The following SBF2 variants were observed in gnomAD, a reference collection of about 807,000 sequenced individuals.
SBF2 encodes the protein SET binding factor 2.
In SBF2, 112 loss-of-function variants were observed where a neutral mutation model predicts 225.2. The observed-to-expected ratio is 0.50, with a 90% CI of 0.43 to 0.58. SBF2 has a LOEUF of 0.58. SBF2 is among the 20% of genes least tolerant of loss of function. The pLI, the probability that SBF2 is intolerant of heterozygous loss-of-function variation, is 0.00. For synonymous variants in SBF2, 763 were observed against 773.3 expected, an observed-to-expected ratio of 0.99 and a Z score of 0.22; for missense variants, 1,996 against 2,206.2, an observed-to-expected ratio of 0.90 and a Z score of 1.91.
At chr11:9,804,548 C>T (rs1024110328) in intron 32 of SBF2, among the ~76,000 whole-genome samples, 3 of 152,202 alleles carry the variant, frequency 2.0e-5, no homozygotes, top group Non-Finnish European at 4.4e-5. Context: ...AATCATGATA[C>T]AGAACAGTTT....
intron 2 of SBF2, among the ~76,000 whole-genome samples, chr11:10,052,489 T>C (rs1950098256): frequency 6.6e-6 from 1 of 152,182 alleles, no homozygotes; most frequent in African/African-American, 2.4e-5. Flanking sequence ...TCTAGTTTTC[T>C]TTAAGAACTT....
intron 16 of SBF2, among the ~76,000 whole-genome samples, chr11:9,921,962 C>T (rs1177010569): frequency 2.0e-5 from 3 of 152,154 alleles, no homozygotes; most frequent in Admixed American, 6.5e-5. Context: ...AAAGCCTTCA[C>T]GGGCTGGGCA....
intron 2 of SBF2, among the ~76,000 whole-genome samples, chr11:10,191,508 A>C (rs992890187): frequency 6.6e-6 from 1 of 152,226 alleles, no homozygotes; most frequent in African/African-American, 2.4e-5. Flanking sequence ...TGAAATTGCG[A>C]TCCATTATGG....
At chr11:10,040,508 A>G (rs952097774) in intron 3 of SBF2, among the ~76,000 whole-genome samples, 3 of 151,976 alleles carry the variant, frequency 2.0e-5, no homozygotes, top group African/African-American at 7.2e-5. Flanking sequence ...GAGACGAAAG[A>G]GAAATAAAAA....
chr11:9,808,621 G>A (rs1432420837), intron 31 of SBF2: 2 of 422,742 alleles, frequency 4.7e-6, no homozygotes, highest in South Asian at 2.2e-5. Flanking sequence ...AGGAAGGATG[G>A]TCCACGCCTC....
intron 2 of SBF2, among the ~76,000 whole-genome samples, chr11:10,158,559 TG>T (rs1955580199): frequency 6.6e-6 from 1 of 152,020 alleles, no homozygotes; most frequent in Admixed American, 6.6e-5. Flanking sequence ...GCAAACAAAT[TG>T]AATAACCTAG....
chr11:10,032,676 A>G (rs1351064733), intron 3 of SBF2, among the ~76,000 whole-genome samples: 1 of 152,108 alleles, frequency 6.6e-6, no homozygotes, highest in Non-Finnish European at 1.5e-5. Flanking sequence ...ATATTTATCT[A>G]TTTCACTTAT....
intron 28 of SBF2, among the ~76,000 whole-genome samples, chr11:9,822,867 C>T (rs147985388): frequency 8.5e-5 from 13 of 152,218 alleles, no homozygotes; most frequent in African/African-American, 2.6e-4. Flanking sequence ...TGCACTGATA[C>T]GATGCAACAC....
intron 2 of SBF2, among the ~76,000 whole-genome samples, chr11:10,047,555 G>A (rs1219080263): frequency 6.6e-6 from 1 of 152,124 alleles, no homozygotes; most frequent in African/African-American, 2.4e-5. Flanking sequence ...TAGGTATTAT[G>A]ACCATTACCC....
chr11:9,951,629 AT>A (rs1865866912), intron 16 of SBF2, among the ~76,000 whole-genome samples: 1 of 152,200 alleles, frequency 6.6e-6, no homozygotes, highest in South Asian at 2.1e-4. Context: ...AATGTACTTA[AT>A]TTCTTTAAGT....
At chr11:10,252,181 T>C (rs903932536) in intron 1 of SBF2, among the ~76,000 whole-genome samples, 9 of 152,266 alleles carry the variant, frequency 5.9e-5, no homozygotes, top group Non-Finnish European at 8.8e-5. Context: ...CTCACTGTTC[T>C]ACTATTTCCC....
intron 27 of SBF2, among the ~76,000 whole-genome samples, chr11:9,830,240 T>C (rs1855306999): frequency 6.6e-6 from 1 of 152,190 alleles, no homozygotes; most frequent in Non-Finnish European, 1.5e-5. Context: ...ACAACAGATA[T>C]TCATAAATTT....
intron 16 of SBF2, among the ~76,000 whole-genome samples, chr11:9,932,048 T>C (rs1411404575): frequency 6.6e-6 from 1 of 152,100 alleles, no homozygotes; most frequent in East Asian, 1.9e-4. Flanking sequence ...AAGATCACAT[T>C]AATGAAATAA....
At chr11:10,196,837 A>AATATATATATATATAT (rs71313475) in intron 1 of SBF2, among the ~76,000 whole-genome samples, 14 of 83,468 alleles carry the variant, frequency 1.7e-4, no homozygotes, top group Admixed American at 4.3e-4. Flanking sequence ...TTCTTGCATA[A>AATATATATATATATAT]ATATATATAT....
chr11:10,229,205 C>A (rs1958714962), intron 1 of SBF2, among the ~76,000 whole-genome samples: 1 of 152,074 alleles, frequency 6.6e-6, no homozygotes, highest in Admixed American at 6.5e-5. Context: ...ATTCTTCTCT[C>A]TTTTCTTCTT....
At chr11:9,872,700 T>TA (rs1219925159) in intron 17 of SBF2, among the ~76,000 whole-genome samples, 1 of 151,914 alleles carries the variant, frequency 6.6e-6, no homozygotes, top group Non-Finnish European at 1.5e-5. Context: ...GAAAAGAATA[T>TA]AAAATGGCAG....
intron 14 of SBF2, among the ~76,000 whole-genome samples, chr11:9,966,794 A>G (rs1471488561): frequency 6.6e-6 from 1 of 152,252 alleles, no homozygotes; most frequent in Non-Finnish European, 1.5e-5. Flanking sequence ...TCAGTGGCTG[A>G]AATTAGAACG....
chr11:9,814,490 G>A (rs912462552), intron 29 of SBF2, among the ~76,000 whole-genome samples: 1 of 152,118 alleles, frequency 6.6e-6, no homozygotes, highest in African/African-American at 2.4e-5. Context: ...AAAACCCCCA[G>A]GGAATGGTAT....
chr11:10,157,105 A>T (rs1955511598), intron 2 of SBF2, among the ~76,000 whole-genome samples: 2 of 152,200 alleles, frequency 1.3e-5, no homozygotes, highest in African/African-American at 4.8e-5. Flanking sequence ...GAACCCAGAA[A>T]TAAGACTGCA....
Sources: allele counts gnomAD v4.1 joint callset (sites outside exome capture counted in the v4.1 genomes callset), GRCh38; gene constraint gnomAD v4.1.1; transcripts MANE v1.5; gene names NCBI Gene and HGNC (gene_info 2026-07-23, HGNC 2026-07-21).